Variants in CATSPERD observed in about 807,000 individuals in gnomAD.
The protein encoded by CATSPERD is cation channel sperm-associated auxiliary subunit delta.
Under a neutral mutation model 98.1 loss-of-function variants are expected in CATSPERD, and 86 were observed. The observed-to-expected ratio is 0.88, with a 90% CI of 0.74 to 1.05. CATSPERD has a LOEUF of 1.05. CATSPERD is among the 50% of genes least tolerant of loss of function. The pLI, the probability that CATSPERD is intolerant of heterozygous loss-of-function variation, is 0.00. For synonymous variants in CATSPERD, 394 were observed against 390.2 expected, an observed-to-expected ratio of 1.01 and a Z score of -0.12; for missense variants, 995 against 1,005.7, an observed-to-expected ratio of 0.99 and a Z score of 0.14.
At chr19:5,772,996 A>G in intron 20 of CATSPERD, 31 bp downstream of exon 20, 1 of 1,605,156 alleles carries the variant, frequency 6.2e-7, no homozygotes, top group South Asian at 1.1e-5. Flanking sequence ...TTTCCAGAAG[A>G]ATCAGCAGCC....
At position 5,739,308 on chromosome 19, in the gene CATSPERD, T is replaced by C. The variant is rs2055910456; in HGVS notation, c.460-18T>C. 7.7e-6 allele frequency: 10 copies of C among 1,302,954 alleles called. No homozygotes were observed. The highest frequency in any genetic ancestry group is 1.1e-5 in the Non-Finnish European group (10 of 915,496). The allele number at this position is 1,302,954 out of a possible 1,614,324, so 80.7% of individuals were successfully genotyped here. A position where few individuals can be genotyped will look rare whatever the true frequency, so the allele number is the denominator to read the frequency against. ...TGGCATCTTTCTTTCATTCTTTCTTTCTTTTTTTTTTTTATAGCATGTCAG... is the reference window on the plus strand; with the variant it reads ...TGGCATCTTTCTTTCATTCTTTCTTCCTTTTTTTTTTTTATAGCATGTCAG... On this transcript the variant is annotated intron_variant, in intron 6 of 21. Coordinates refer to ENST00000381624, the MANE Select transcript of CATSPERD (RefSeq NM_152784.4).
At chr19:5,737,954 A>G (rs1184013558) in intron 6 of CATSPERD, among the ~76,000 whole-genome samples, 1 of 152,104 alleles carries the variant, frequency 6.6e-6, no homozygotes, top group African/African-American at 2.4e-5. Context: ...CTCAGAGCAC[A>G]GTTGGGAGAT....
intron 16 of CATSPERD, among the ~76,000 whole-genome samples, chr19:5,764,739 G>A (rs147124149): frequency 0.036 from 5,546 of 152,052 alleles, 137 homozygotes; most frequent in Middle Eastern, 0.075. Flanking sequence ...TCAGCCTCCC[G>A]AGTAGCTGGG....
At chr19:5,737,078 A>G in intron 5 of CATSPERD, 60 bp from the exon 6 acceptor site, 1 of 1,216,046 alleles carries the variant, frequency 8.2e-7, no homozygotes, top group East Asian at 2.4e-5. Context: ...AAAAAACAAA[A>G]AACTTTTCTC....
chr19:5,737,050 C>CT (rs1401774400), intron 5 of CATSPERD, 88 bp from the exon 6 acceptor site: 1 of 788,426 alleles, frequency 1.3e-6, no homozygotes, highest in Admixed American at 2.2e-5. Flanking sequence ...GAGCAAGACT[C>CT]TGTCTCAAAA....
intron 6 of CATSPERD, among the ~76,000 whole-genome samples, chr19:5,739,004 A>T (rs2055903528): frequency 6.6e-6 from 1 of 152,064 alleles, no homozygotes; most frequent in Non-Finnish European, 1.5e-5. Flanking sequence ...CTGGGATTAC[A>T]GTTGTGAGCC....
At chr19:5,747,152 T>C (rs2056109658) in intron 9 of CATSPERD, among the ~76,000 whole-genome samples, 1 of 148,136 alleles carries the variant, frequency 6.8e-6, no homozygotes, top group Non-Finnish European at 1.5e-5. Context: ...ACCTGTTTTA[T>C]CCTCACAATG....
intron 7 of CATSPERD, among the ~76,000 whole-genome samples, chr19:5,742,313 T>G (rs1183219511): frequency 1.4e-5 from 2 of 141,010 alleles, no homozygotes; most frequent in Non-Finnish European, 3.1e-5. Context: ...TGAATGTGTG[T>G]GTGGGTGTGC....
intron 19 of CATSPERD, 34 bp from the exon 20 acceptor site, chr19:5,772,754 C>A: frequency 6.3e-7 from 1 of 1,597,556 alleles, no homozygotes; most frequent in South Asian, 1.1e-5. Context: ...TGTCCCTGCT[C>A]CCTGCACAGC....
chr19:5,763,847 C>CTTTTTTTGTTTTTTTTTTTTTTTTT (rs2056488306), intron 16 of CATSPERD, among the ~76,000 whole-genome samples: 1 of 62,120 alleles, frequency 1.6e-5, no homozygotes, highest in Non-Finnish European at 3.2e-5. Context: ...TCTTGAACTC[C>CTTTTTTTGTTTTTTTTTTTTTTTTT]TTTTTTTTTT....
At chr19:5,743,294 A>C (rs1437868815) in intron 7 of CATSPERD, among the ~76,000 whole-genome samples, 2 of 145,226 alleles carry the variant, frequency 1.4e-5, no homozygotes, top group Non-Finnish European at 3.0e-5. Context: ...CAAGAGTGTA[A>C]CTCTGTCTCA....
At chr19:5,726,997 T>C (rs571902681) in intron 2 of CATSPERD, among the ~76,000 whole-genome samples, 1 of 152,076 alleles carries the variant, frequency 6.6e-6, no homozygotes, top group Non-Finnish European at 1.5e-5. Flanking sequence ...ATCGAGACCA[T>C]CCTGGCTAAC....
intron 1 of CATSPERD, among the ~76,000 whole-genome samples, chr19:5,721,369 T>C (rs1358678128): frequency 6.6e-6 from 1 of 152,158 alleles, no homozygotes; most frequent in Non-Finnish European, 1.5e-5. Flanking sequence ...TGGAGTGCAG[T>C]GGCGCGATCT....
At chr19:5,725,936 T>A (rs2055596290) in intron 2 of CATSPERD, among the ~76,000 whole-genome samples, 1 of 152,128 alleles carries the variant, frequency 6.6e-6, no homozygotes, top group Admixed American at 6.6e-5. Context: ...TGAAACAATC[T>A]TCAAGTGACT....
intron 4 of CATSPERD, among the ~76,000 whole-genome samples, chr19:5,730,872 G>A (rs1365086495): frequency 1.3e-5 from 2 of 152,058 alleles, no homozygotes; most frequent in African/African-American, 4.8e-5. Context: ...GTGGTGGCAG[G>A]TGCTTGTAGT....
chr19:5,770,158 T>G (rs2056618991), intron 18 of CATSPERD, among the ~76,000 whole-genome samples: 1 of 150,912 alleles, frequency 6.6e-6, no homozygotes, highest in Non-Finnish European at 1.5e-5. Context: ...CCGGGCGCAG[T>G]GGGTCACCCC....
At chr19:5,775,648 C>CAAAAAAAAAAAAA (rs1156270373) in intron 20 of CATSPERD, among the ~76,000 whole-genome samples, 2 of 61,462 alleles carry the variant, frequency 3.3e-5, no homozygotes, top group African/African-American at 5.4e-5. Flanking sequence ...AACCCCATCT[C>CAAAAAAAAAAAAA]AAAAAAAAAA....
intron 13 of CATSPERD, among the ~76,000 whole-genome samples, chr19:5,754,724 T>C (rs945045231): frequency 6.6e-6 from 1 of 151,854 alleles, no homozygotes; most frequent in Non-Finnish European, 1.5e-5. Flanking sequence ...CCCCTCGACG[T>C]GCCTCTGCAT....
chr19:5,745,675 CACTT>C (rs1301347851), intron 8 of CATSPERD, among the ~76,000 whole-genome samples: 1 of 152,160 alleles, frequency 6.6e-6, no homozygotes, highest in African/African-American at 2.4e-5. Context: ...GTGCATTTGA[CACTT>C]AGAGTAATTC....
Sources: allele counts gnomAD v4.1 joint callset (sites outside exome capture counted in the v4.1 genomes callset), GRCh38; gene constraint gnomAD v4.1.1; transcripts MANE v1.5; gene names NCBI Gene and HGNC (gene_info 2026-07-23, HGNC 2026-07-21).